RASSF8: variants seen among roughly 807,000 people sequenced by gnomAD.
RASSF8 encodes the protein Ras association domain family member 8.
A neutral mutation model predicts 48.5 loss-of-function variants in RASSF8; 22 were observed. That is an observed-to-expected ratio of 0.45 (90% CI 0.32 to 0.65). RASSF8 has a LOEUF of 0.65. Among genes scored for constraint, RASSF8 ranks in the 30% least tolerant of loss-of-function variants. The pLI is 0.03. For synonymous variants in RASSF8, 127 were observed against 171.5 expected, an observed-to-expected ratio of 0.74 and a Z score of 2.03; for missense variants, 418 against 489.2, an observed-to-expected ratio of 0.85 and a Z score of 1.37.
At chr12:26,056,074 A>G (rs1219509904) in intron 3 of RASSF8, among the ~76,000 whole-genome samples, 1 of 152,118 alleles carries the variant, frequency 6.6e-6, no homozygotes, top group Non-Finnish European at 1.5e-5. Context: ...AATCCCAGCT[A>G]CTATGGAGGC....
At chr12:26,041,625 A>G (rs1200001724) in intron 2 of RASSF8, among the ~76,000 whole-genome samples, 1 of 152,124 alleles carries the variant, frequency 6.6e-6, no homozygotes, top group Non-Finnish European at 1.5e-5. Flanking sequence ...ATCTACATAC[A>G]TAAATATATA....
chr12:25,966,362 C>T (rs1234519352), intron 1 of RASSF8, among the ~76,000 whole-genome samples: 1 of 152,138 alleles, frequency 6.6e-6, no homozygotes, highest in East Asian at 1.9e-4. Context: ...TGCCACCATG[C>T]CCGGCTGTTT....
intron 2 of RASSF8, among the ~76,000 whole-genome samples, chr12:26,004,182 T>TA (rs1406855517): frequency 2.0e-4 from 31 of 151,716 alleles, no homozygotes; most frequent in African/African-American, 6.0e-4. Flanking sequence ...GTCTCAAACA[T>TA]AAAAAACAAA....
In RASSF8 at chr12:26,065,266, T is replaced by A; in HGVS notation, c.872T>A (p.Val291Asp). 1.9e-6 allele frequency: 3 copies of A among 1,613,852 alleles called. No homozygotes were observed. Among genetic ancestry groups the A allele is most frequent in the Non-Finnish European group, 2.5e-6 (3 of 1,179,942 alleles). ...VQEAQVNEEE[V>D]KGKIGKVKGE... is the part of the protein sequence containing the mutation. The stretch of plus-strand genomic sequence containing the variant: ...GAGGCACAGGTCAATGAGGAAGAGG[T>A]TAAAGGAAAGATCGGTAAGGTCAAA... Residue 291 changes from valine to aspartate, a missense_variant, in exon 4 of 6, where the codon GTT becomes GAT. By Grantham distance (152) the Val-to-Asp change is radical. Transcript: ENST00000689635.
chr12:26,063,126 A>T (rs1413008285), intron 3 of RASSF8, among the ~76,000 whole-genome samples: 1 of 152,230 alleles, frequency 6.6e-6, no homozygotes, highest in East Asian at 1.9e-4. Flanking sequence ...ATGAAATTTA[A>T]AAAAGAAAGC....
chr12:25,995,372 G>A (rs1025668835), intron 2 of RASSF8, among the ~76,000 whole-genome samples: 57 of 152,166 alleles, frequency 3.7e-4, no homozygotes, highest in African/African-American at 1.4e-3. Context: ...GACACTAAAA[G>A]CATCATAAAA....
chr12:26,055,726 G>A (rs1018394905), intron 3 of RASSF8, among the ~76,000 whole-genome samples: 1 of 152,132 alleles, frequency 6.6e-6, no homozygotes, highest in African/African-American at 2.4e-5. Context: ...AACTAAAGAT[G>A]TTTCCATGAG....
At chr12:26,060,133 G>A (rs7316516) in intron 3 of RASSF8, among the ~76,000 whole-genome samples, 7,306 of 152,204 alleles carry the variant, frequency 0.048, 248 homozygotes, top group East Asian at 0.12. Flanking sequence ...TCCTGACCTC[G>A]TGATCTGCCC....
In RASSF8 at chr12:26,069,008, A is replaced by G. The variant is rs1258978514; in HGVS notation, c.*190A>G. 5 of 1,317,396 alleles carry G rather than the reference A, an allele frequency of 3.8e-6. No homozygotes were observed. In the African/African-American group the frequency reaches 6.0e-5, roughly 16 times the overall value. 81.6% of individuals were successfully genotyped at this position (1,317,396 alleles called of 1,614,324 possible). On this transcript the variant is annotated 3_prime_UTR_variant, in exon 6 of 6. Coordinates refer to ENST00000689635, the MANE Select transcript of RASSF8 (RefSeq NM_001394098.1). ...TAAAGAACAAAGAAACTGTGTTTTCACACATCAACAGTGTTGATATTTTTG... is the reference window on the plus strand; with the variant it reads ...TAAAGAACAAAGAAACTGTGTTTTCGCACATCAACAGTGTTGATATTTTTG...
At chr12:25,976,079 C>T (rs1941597442) in intron 1 of RASSF8, among the ~76,000 whole-genome samples, 3 of 152,182 alleles carry the variant, frequency 2.0e-5, no homozygotes, top group African/African-American at 7.2e-5. Flanking sequence ...GTCTCCTCTC[C>T]TCACCCAGGC....
At chr12:25,989,195 T>G (rs1465722311) in intron 1 of RASSF8, among the ~76,000 whole-genome samples, 1 of 152,238 alleles carries the variant, frequency 6.6e-6, no homozygotes, top group Non-Finnish European at 1.5e-5. Context: ...CCCAACCATA[T>G]GTTTTCTCAT....
chr12:25,974,941 A>G, intron 1 of RASSF8, among the ~76,000 whole-genome samples: 1 of 152,184 alleles, frequency 6.6e-6, no homozygotes, highest in Admixed American at 6.5e-5. Context: ...GCTATGCAAA[A>G]ACAATAAGAA....
At chr12:26,019,126 T>A (rs1204225142) in intron 2 of RASSF8, among the ~76,000 whole-genome samples, 1 of 152,200 alleles carries the variant, frequency 6.6e-6, no homozygotes, top group African/African-American at 2.4e-5. Context: ...TAGCTGTCCC[T>A]TGGAGAGTGT....
downstream of RASSF8, among the ~76,000 whole-genome samples, chr12:26,073,748 TACACACACAC>T (rs5797160): frequency 5.6e-3 from 756 of 134,760 alleles, 5 homozygotes; most frequent in Non-Finnish European, 9.3e-3. Flanking sequence ...TCTCTCTCTA[TACACACACAC>T]ACACACACAC....
chr12:26,005,181 G>GTGTT (rs1176158462), intron 2 of RASSF8, among the ~76,000 whole-genome samples: 1 of 151,962 alleles, frequency 6.6e-6, no homozygotes, highest in East Asian at 1.9e-4. Context: ...GTGTGTGTGT[G>GTGTT]TGTGTGTTTT....
At chr12:26,000,460 C>T (rs1244804513) in intron 2 of RASSF8, among the ~76,000 whole-genome samples, 25 of 152,056 alleles carry the variant, frequency 1.6e-4, no homozygotes, top group Non-Finnish European at 5.9e-5. Context: ...ATATTCAAGT[C>T]ATGTATTCAA....
chr12:25,974,533 G>T (rs1319418611), intron 1 of RASSF8, among the ~76,000 whole-genome samples: 2 of 149,494 alleles, frequency 1.3e-5, no homozygotes, highest in Non-Finnish European at 2.9e-5. Flanking sequence ...CACTATACTA[G>T]CAGACACAGA....
intron 2 of RASSF8, among the ~76,000 whole-genome samples, chr12:26,009,327 C>T (rs1942467495): frequency 6.6e-6 from 1 of 152,168 alleles, no homozygotes; most frequent in Non-Finnish European, 1.5e-5. Flanking sequence ...GACCTTATTT[C>T]TAAGTAGTGT....
intron 2 of RASSF8, among the ~76,000 whole-genome samples, chr12:26,020,742 A>G (rs979491238): frequency 6.6e-6 from 1 of 152,208 alleles, no homozygotes; most frequent in African/African-American, 2.4e-5. Context: ...AATTTTAAGT[A>G]TCTATTTCTA....
Sources: allele counts gnomAD v4.1 joint callset (sites outside exome capture counted in the v4.1 genomes callset), GRCh38; gene constraint gnomAD v4.1.1; transcripts MANE v1.5; gene names NCBI Gene and HGNC (gene_info 2026-07-23, HGNC 2026-07-21).